The following PRDM5 variants were observed in gnomAD, a reference collection of about 807,000 sequenced individuals.
PRDM5 encodes the protein PR domain zinc finger protein 5.
Under a neutral mutation model 81.2 loss-of-function variants are expected in PRDM5, and 56 were observed. The ratio of observed to expected loss-of-function variants is 0.69; its 90% confidence interval spans 0.56 to 0.86. PRDM5 has a LOEUF of 0.86. Among genes scored for constraint, PRDM5 ranks in the 40% least tolerant of loss-of-function variants. The probability of loss-of-function intolerance (pLI) is 0.00; values close to 1 mark genes in which losing one functional copy is unlikely to be tolerated. For missense variants in PRDM5, 697 were observed against 770.1 expected (o/e 0.91, Z 1.12); for synonymous variants, 267 against 256.4 (o/e 1.04, Z -0.39).
At position 120,907,390 on chromosome 4, in the gene PRDM5, A is replaced by G; in HGVS notation, c.177+84T>C. 7 of 1,144,070 alleles carry G rather than the reference A, an allele frequency of 6.1e-6. No individual in the cohort carries two copies. In the South Asian group the frequency reaches 9.0e-5, roughly 15 times the overall value. 70.9% of individuals were successfully genotyped at this position (1,144,070 alleles called of 1,614,324 possible). ...AATACTTAAATACTTAACTGGAATC[A>G]ATATCAATTAATGTAGCCTTAAAAA... On this transcript the variant is annotated intron_variant, in intron 2 of 15. Coordinates refer to ENST00000264808, the MANE Select transcript of PRDM5 (RefSeq NM_018699.4).
At chr4:120,711,181 T>C (rs1297694321) in intron 14 of PRDM5, among the ~76,000 whole-genome samples, 1 of 152,184 alleles carries the variant, frequency 6.6e-6, no homozygotes, top group Non-Finnish European at 1.5e-5. Flanking sequence ...GAACCCTTGA[T>C]CTAGAGGGTA....
chr4:120,764,667 A>G (rs1578645116), intron 13 of PRDM5, among the ~76,000 whole-genome samples: 1 of 152,190 alleles, frequency 6.6e-6, no homozygotes, highest in African/African-American at 2.4e-5. Flanking sequence ...CATAACACTG[A>G]GACATCTAAA....
chr4:120,908,800 T>C (rs1002367683), intron 1 of PRDM5, among the ~76,000 whole-genome samples: 2 of 152,202 alleles, frequency 1.3e-5, no homozygotes, highest in Non-Finnish European at 2.9e-5. Flanking sequence ...GAAATATTAA[T>C]ACAAAGTTTA....
chr4:120,842,438 G>A (rs1229230892), intron 3 of PRDM5, among the ~76,000 whole-genome samples: 1 of 152,170 alleles, frequency 6.6e-6, no homozygotes, highest in African/African-American at 2.4e-5. Context: ...GAAAGAGGCA[G>A]AAGAGCTGCC....
At chr4:120,777,047 G>A in intron 13 of PRDM5, 141 bp downstream of exon 13, 2 of 1,499,294 alleles carry the variant, frequency 1.3e-6, no homozygotes, top group Non-Finnish European at 1.8e-6. Context: ...AAACTGGGTT[G>A]TACAATGCTT....
intron 14 of PRDM5, among the ~76,000 whole-genome samples, chr4:120,722,844 C>G (rs1346623930): frequency 6.6e-6 from 1 of 152,166 alleles, no homozygotes; most frequent in Non-Finnish European, 1.5e-5. Flanking sequence ...GCTGCTGGAG[C>G]TGCTGCAGCC....
intron 1 of PRDM5, among the ~76,000 whole-genome samples, chr4:120,915,666 G>C (rs762385826): frequency 2.0e-5 from 3 of 152,146 alleles, no homozygotes; most frequent in Admixed American, 6.5e-5. Context: ...CGGGGAGAAG[G>C]GAAAGAAACA....
intron 3 of PRDM5, chr4:120,837,959 A>C (rs1757550580): frequency 6.6e-6 from 1 of 152,260 alleles, no homozygotes; most frequent in Non-Finnish European, 1.5e-5. Flanking sequence ...TGAATTAAAT[A>C]ATATAACCAT....
At chr4:120,834,814 C>G (rs1177791091) in intron 3 of PRDM5, among the ~76,000 whole-genome samples, 3 of 152,118 alleles carry the variant, frequency 2.0e-5, no homozygotes, top group Non-Finnish European at 4.4e-5. Context: ...TATCATCAAG[C>G]AAGGAATTTG....
At chr4:120,771,199 T>C (rs1747240300) in intron 13 of PRDM5, among the ~76,000 whole-genome samples, 2 of 152,188 alleles carry the variant, frequency 1.3e-5, no homozygotes, top group East Asian at 3.8e-4. Context: ...ATGTTCTTTT[T>C]ATAAAACAAA....
Position 120,854,358 on chromosome 4 carries a change from GT to G in PRDM5, c.178-819del, listed in dbSNP as rs1202869651. On this transcript the variant is annotated intron_variant, in intron 2 of 15. Coordinates refer to ENST00000264808, the MANE Select transcript of PRDM5 (RefSeq NM_018699.4). ...AATCACCATTCAACTCTGATTTCAT[GT>G]TTCTATTCCATTAGAATCCAGAAAA... Among the ~76,000 whole-genome samples, 6 of 152,022 alleles carry G rather than the reference GT, an allele frequency of 3.9e-5. No individual in the cohort carries two copies. The South Asian group carries it at 1.0e-3, about 26-fold the overall frequency.
At chr4:120,822,730 A>G (rs982245903) in intron 3 of PRDM5, among the ~76,000 whole-genome samples, 2 of 152,174 alleles carry the variant, frequency 1.3e-5, no homozygotes, top group Non-Finnish European at 2.9e-5. Context: ...AATATATATT[A>G]GAAAATTTCA....
At chr4:120,864,301 A>G (rs1760965490) in intron 2 of PRDM5, among the ~76,000 whole-genome samples, 1 of 152,242 alleles carries the variant, frequency 6.6e-6, no homozygotes, top group South Asian at 2.1e-4. Flanking sequence ...AAGGATGGGA[A>G]GTACGATCTA....
chr4:120,827,217 G>A (rs1756118040), intron 3 of PRDM5, among the ~76,000 whole-genome samples: 1 of 152,132 alleles, frequency 6.6e-6, no homozygotes, highest in Non-Finnish European at 1.5e-5. Context: ...GGCTTAGATT[G>A]TATCAGACTG....
chr4:120,744,450 T>C (rs1266987775), intron 14 of PRDM5, among the ~76,000 whole-genome samples: 3 of 151,192 alleles, frequency 2.0e-5, no homozygotes, highest in Non-Finnish European at 2.9e-5. Context: ...CTGAAGGAAA[T>C]AGAGACACAA....
intron 14 of PRDM5, among the ~76,000 whole-genome samples, chr4:120,748,277 C>CCCCAAGG (rs1183690258): frequency 1.3e-5 from 2 of 152,130 alleles, no homozygotes; most frequent in Non-Finnish European, 2.9e-5. Context: ...CCTGGGGTAC[C>CCCCAAGG]CCCAAGGCCC....
intron 2 of PRDM5, among the ~76,000 whole-genome samples, chr4:120,859,618 A>AT (rs1379286042): frequency 6.6e-6 from 1 of 152,210 alleles, no homozygotes; most frequent in Non-Finnish European, 1.5e-5. Flanking sequence ...CCAAATACAT[A>AT]TTCAAATAGC....
At chr4:120,896,087 C>T (rs552823494) in intron 2 of PRDM5, 1 of 152,164 alleles carries the variant, frequency 6.6e-6, no homozygotes, top group South Asian at 2.1e-4. Flanking sequence ...CAAACTGCTG[C>T]AATTATTTGC....
intron 1 of PRDM5, among the ~76,000 whole-genome samples, chr4:120,685,273 T>C (rs985056745): frequency 2.6e-5 from 4 of 152,058 alleles, no homozygotes; most frequent in Non-Finnish European, 4.4e-5. Context: ...ATCAAAGTTA[T>C]TGATTAGATT....
Sources: allele counts gnomAD v4.1 joint callset (sites outside exome capture counted in the v4.1 genomes callset), GRCh38; gene constraint gnomAD v4.1.1; transcripts MANE v1.5; gene names NCBI Gene and HGNC (gene_info 2026-07-23, HGNC 2026-07-21).